MFAP1: variants seen among roughly 807,000 people sequenced by gnomAD.
MFAP1 encodes microfibril associated protein 1, also known as microfibrillar-associated protein 1.
A neutral mutation model predicts 62.2 loss-of-function variants in MFAP1; 18 were observed. The observed-to-expected ratio is 0.29, with a 90% CI of 0.20 to 0.43. The LOEUF (loss-of-function observed/expected upper bound fraction) is 0.43, where lower values mean the gene tolerates loss of function less well. MFAP1 is among the 20% of genes least tolerant of loss of function. The pLI, the probability that MFAP1 is intolerant of heterozygous loss-of-function variation, is 1.00. For synonymous variants in MFAP1, 175 were observed against 180.4 expected, an observed-to-expected ratio of 0.97 and a Z score of 0.24; for missense variants, 355 against 559.7, an observed-to-expected ratio of 0.63 and a Z score of 3.69.
At chr15:43,806,570 C>A (rs1245917653) in intron 7 of MFAP1, among the ~76,000 whole-genome samples, 1 of 152,192 alleles carries the variant, frequency 6.6e-6, no homozygotes, top group East Asian at 1.9e-4. Context: ...CAATGGTTGT[C>A]TATTAAATGA....
chr15:43,817,810 C>T (rs1338293628), intron 1 of MFAP1, among the ~76,000 whole-genome samples: 2 of 152,188 alleles, frequency 1.3e-5, no homozygotes, highest in Non-Finnish European at 2.9e-5. Flanking sequence ...TTATTTGTAA[C>T]AGTGCCCAGC....
At chr15:43,813,414 C>T (rs2087415361) in intron 4 of MFAP1, 57 bp from the exon 5 acceptor site, 29 of 1,501,330 alleles carry the variant, frequency 1.9e-5, no homozygotes, top group Non-Finnish European at 2.4e-5. Context: ...GTGCTTTGTT[C>T]CCCTAGACCT....
Position 43,813,016 on chromosome 15 carries a change from T to G in MFAP1, c.858A>C (p.Arg286Ser). 1 of 1,614,214 alleles carries G rather than the reference T, an allele frequency of 6.2e-7. No individual in the cohort carries two copies. Among genetic ancestry groups the G allele is most frequent in the Non-Finnish European group, 8.5e-7 (1 of 1,180,044 alleles). ...YEAWKVRELK[R>S]IKRDREDREA... ...CTCGATCTTCTCTGTCCCTCTTGATTCTTTTTAGCTCTCGAACTTTCCATG... is the reference window on the plus strand; with the variant it reads ...CTCGATCTTCTCTGTCCCTCTTGATGCTTTTTAGCTCTCGAACTTTCCATG... The change falls in exon 6 of 9, where the codon AGA (arginine) becomes AGC (serine). Residue 286 changes from arginine (R) to serine (S), a missense_variant. By Grantham distance (110) the Arg-to-Ser change is moderately radical. Transcript: ENST00000267812.
rs139067932 is a variant in MFAP1 at position 43,814,028 on chromosome 15, C to T, written c.617+473G>A. 3.4e-4 allele frequency among the ~76,000 whole-genome samples: 52 copies of T among 152,020 alleles called. No homozygotes were observed. In the East Asian group the frequency reaches 7.8e-3, roughly 23 times the overall value. Reference sequence around the variant, plus strand: ...TAGCACTTTGGGAGGCTGAGGAGGACGGATCACCTGAGGTTGGGAGTTCGA... The same window carrying T: ...TAGCACTTTGGGAGGCTGAGGAGGATGGATCACCTGAGGTTGGGAGTTCGA... On this transcript the variant is annotated intron_variant, in intron 4 of 8. Transcript: ENST00000267812.
chr15:43,817,845 GA>G (rs1245270868), intron 1 of MFAP1, among the ~76,000 whole-genome samples: 1 of 152,084 alleles, frequency 6.6e-6, no homozygotes, highest in African/African-American at 2.4e-5. Flanking sequence ...ATTTCTGCAG[GA>G]ACATAAAACT....
chr15:43,808,490 G>C (rs1005460608), intron 7 of MFAP1, among the ~76,000 whole-genome samples: 11 of 152,162 alleles, frequency 7.2e-5, no homozygotes, highest in African/African-American at 2.7e-4. Flanking sequence ...CAATGTACCT[G>C]GCCCACCAAA....
chr15:43,808,920 T>A (rs1440695270), intron 7 of MFAP1, among the ~76,000 whole-genome samples: 1 of 152,246 alleles, frequency 6.6e-6, no homozygotes, highest in Non-Finnish European at 1.5e-5. Context: ...AGTCTTTATA[T>A]GAAAAACAAA....
In MFAP1 at chr15:43,809,913, G is replaced by A; in HGVS notation, c.889C>T (p.Leu297Phe). The part of the protein sequence containing the change: ...IKRDREDREA[L>F]EKEKAEIERM... ...TCAATTTCTGCTTTCTCCTTCTCAA[G>A]CCTGTCCAGGGAGCAAAACAATTTA... is the stretch of plus-strand genomic sequence containing the variant. Residue 297 changes from leucine (L) to phenylalanine (F), a missense_variant and splice_region_variant, in exon 7 of 9, where the codon CTT becomes TTT. Transcript: ENST00000267812. The A allele has an allele frequency of 6.2e-7, 1 of 1,614,124 alleles. No individual in the cohort carries two copies. Among genetic ancestry groups the A allele is most frequent in the Non-Finnish European group, 8.5e-7 (1 of 1,180,012 alleles).
intron 1 of MFAP1, among the ~76,000 whole-genome samples, chr15:43,824,021 T>C (rs2087483361): frequency 6.6e-6 from 1 of 151,978 alleles, no homozygotes; most frequent in Non-Finnish European, 1.5e-5. Flanking sequence ...ATACATATTC[T>C]GATATATACT....
At chr15:43,824,423 G>A (rs555356749) in intron 1 of MFAP1, 68 bp downstream of exon 1, 11 of 1,534,076 alleles carry the variant, frequency 7.2e-6, no homozygotes, top group Middle Eastern at 1.7e-4. Flanking sequence ...CTGTCCGGGA[G>A]AGGTCTGGAG....
Position 43,805,102 on chromosome 15 carries a change from T to C in MFAP1, c.1312A>G (p.Thr438Ala). Residue 438 changes from threonine (T) to alanine (A), a missense_variant, in exon 9 of 9, where the codon ACT (threonine) becomes GCT (alanine). Physicochemically the swap from Thr to Ala is moderately conservative, Grantham distance 58 (BLOSUM62 0). Coordinates refer to ENST00000267812, the MANE Select transcript of MFAP1 (RefSeq NM_005926.3). Reference sequence around the variant, plus strand: ...GAATAAGCAGTTGGACCCTAGGTAGTTTTCCGCTTCTTGGCAGATGGCCGC... The same window carrying C: ...GAATAAGCAGTTGGACCCTAGGTAGCTTTCCGCTTCTTGGCAGATGGCCGC... ...FERPSAKKRK[T>A]T The C allele has an allele frequency of 6.3e-7, 1 of 1,582,710 alleles. No individual in the cohort carries two copies. Among genetic ancestry groups the C allele is most frequent in the East Asian group, 2.3e-5 (1 of 44,028 alleles).
At chr15:43,811,517 T>C (rs1596056096) in intron 6 of MFAP1, among the ~76,000 whole-genome samples, 1 of 150,248 alleles carries the variant, frequency 6.7e-6, no homozygotes, top group Admixed American at 6.6e-5. Flanking sequence ...TTTCTTTTTT[T>C]TTTTTTTCCA....
intron 4 of MFAP1, among the ~76,000 whole-genome samples, chr15:43,814,071 T>C (rs1223407230): frequency 3.3e-5 from 5 of 151,894 alleles, no homozygotes; most frequent in Admixed American, 6.6e-5. Context: ...CTGACCAACA[T>C]GGAAAAACCC....
chr15:43,806,189 C>T (rs1377426917), intron 7 of MFAP1, among the ~76,000 whole-genome samples: 2 of 152,108 alleles, frequency 1.3e-5, no homozygotes, highest in Admixed American at 6.6e-5. Context: ...TTTGTTTACT[C>T]ATGTGACTTC....
intron 1 of MFAP1, among the ~76,000 whole-genome samples, chr15:43,819,152 T>C (rs1190933976): frequency 2.0e-5 from 3 of 152,054 alleles, no homozygotes; most frequent in Non-Finnish European, 4.4e-5. Flanking sequence ...GAGATCGTGC[T>C]ACTGCACTCC....
At chr15:43,813,508 CTTTTTTTT>C (rs10709037) in intron 4 of MFAP1, 151 bp from the exon 5 acceptor site, 14 of 249,370 alleles carry the variant, frequency 5.6e-5, no homozygotes, top group East Asian at 1.1e-4. Flanking sequence ...CATCCCAGGT[CTTTTTTTT>C]TTTTTTTTTT....
At chr15:43,807,649 A>C (rs2037028075) in intron 7 of MFAP1, among the ~76,000 whole-genome samples, 1 of 151,132 alleles carries the variant, frequency 6.6e-6, no homozygotes, top group South Asian at 2.1e-4. Flanking sequence ...CGCCCGGCCC[A>C]AAATTATACA....
In MFAP1 at chr15:43,804,850, C is replaced by G; in HGVS notation, c.*244G>C. On this transcript the variant is annotated 3_prime_UTR_variant, in exon 9 of 9. Transcript: ENST00000267812. ...ATAGCAGTGATAAAACCTAAGATTT[C>G]TCAGAAATAGTTTTAAGTGGGAAGC... 1 of 377,994 alleles carries G rather than the reference C, an allele frequency of 2.6e-6. No homozygotes were observed. The highest frequency in any genetic ancestry group is 2.1e-5 in the African/African-American group (1 of 48,490). The allele number at this position is 377,994 out of a possible 1,614,324, so 23.4% of individuals were successfully genotyped here.
chr15:43,813,220 A>C (rs778364172), intron 5 of MFAP1, 29 bp downstream of exon 5: 19 of 1,613,950 alleles, frequency 1.2e-5, no homozygotes, highest in Non-Finnish European at 1.6e-5. Context: ...TATTTCTTGT[A>C]CTCATTCCTT....
Sources: gnomAD v4.1 joint callset for allele counts (sites outside exome capture counted in the v4.1 genomes callset) on GRCh38, gnomAD v4.1.1 for gene constraint, MANE v1.5 for transcripts, NCBI Gene and HGNC (gene_info 2026-07-23, HGNC 2026-07-21) for gene names.